Variants in RASA1 observed in about 807,000 individuals in gnomAD.
RASA1 encodes RAS p21 protein activator 1.
A neutral mutation model predicts 132.2 loss-of-function variants in RASA1; 25 were observed. That is an observed-to-expected ratio of 0.19 (90% CI 0.14 to 0.26). The LOEUF is 0.26. Ranked by LOEUF, RASA1 falls within the 10% of genes least tolerant of loss-of-function variation. RASA1 has a pLI of 1.00. For missense variants in RASA1, 964 were observed against 1,299.2 expected (o/e 0.74, Z 3.97); for synonymous variants, 477 against 449.9 (o/e 1.06, Z -0.76).
intron 1 of RASA1, among the ~76,000 whole-genome samples, chr5:87,277,935 C>T (rs1473164294): frequency 6.6e-6 from 1 of 151,998 alleles, no homozygotes; most frequent in Non-Finnish European, 1.5e-5. Flanking sequence ...ACCATGGTAG[C>T]CATGGAATAT....
At chr5:87,293,814 A>G (rs1222537365) in intron 1 of RASA1, among the ~76,000 whole-genome samples, 1 of 152,054 alleles carries the variant, frequency 6.6e-6, no homozygotes, top group Non-Finnish European at 1.5e-5. Context: ...TTTTTTAAGT[A>G]GTTGCTCCAT....
chr5:87,287,356 C>CACCATATATAT (rs1463010554), intron 1 of RASA1, among the ~76,000 whole-genome samples: 1 of 145,494 alleles, frequency 6.9e-6, no homozygotes, highest in East Asian at 2.0e-4. Context: ...ACCATATATA[C>CACCATATATAT]ACCATATATA....
At chr5:87,271,990 T>TAA in intron 1 of RASA1, among the ~76,000 whole-genome samples, 1 of 143,258 alleles carries the variant, frequency 7.0e-6, no homozygotes, top group African/African-American at 2.5e-5. Context: ...CCGTCTCTAC[T>TAA]AAAAAAAAAA....
intron 1 of RASA1, among the ~76,000 whole-genome samples, chr5:87,278,699 T>C (rs937716328): frequency 2.0e-5 from 3 of 152,184 alleles, no homozygotes. Context: ...TCACCAGTTT[T>C]ACATATATTC....
chr5:87,341,756 G>T (rs181617144), intron 6 of RASA1, among the ~76,000 whole-genome samples: 1 of 151,744 alleles, frequency 6.6e-6, no homozygotes, highest in African/African-American at 2.4e-5. Context: ...CTGATTTTAT[G>T]TATATGTAAG....
intron 5 of RASA1, among the ~76,000 whole-genome samples, chr5:87,338,760 G>C (rs573155020): frequency 6.8e-4 from 103 of 150,834 alleles, no homozygotes; most frequent in African/African-American, 2.4e-3. Context: ...ACCTCAACTG[G>C]TTACACATGT....
intron 9 of RASA1, among the ~76,000 whole-genome samples, chr5:87,356,407 G>A (rs551435339): frequency 1.3e-4 from 20 of 149,746 alleles, no homozygotes; most frequent in South Asian, 8.4e-4. Flanking sequence ...TTCTCCCTCC[G>A]GAGTCAGGGT....
At position 87,386,880 on chromosome 5, in the gene RASA1, A is replaced by T. The variant is rs1408478893; in HGVS notation, c.2902A>T (p.Ile968Phe). ...PFIKSNKHRM[I>F]MFLDELGNVP... The stretch of plus-strand genomic sequence containing the variant: ...CATCAAAAGCAACAAACATCGTATG[A>T]TCATGTTTTTAGATGAACTTGGGGT... The change falls in exon 23 of 25, where the codon ATC (isoleucine) becomes TTC (phenylalanine). Residue 968 changes from isoleucine to phenylalanine, a missense_variant. Transcript: ENST00000274376. 6.2e-7 allele frequency: 1 copy of T among 1,612,480 alleles called. No individual in the cohort carries two copies. The highest frequency in any genetic ancestry group is 1.7e-5 in the Admixed American group (1 of 59,966).
rs900556819 is a variant in RASA1 at position 87,391,184 on chromosome 5, C to G, written c.*301C>G. The stretch of plus-strand genomic sequence containing the variant: ...ATGCTATGACTGTATCTTGATATCT[C>G]GAACTTTCAAAATATATTTTCAGTA... On this transcript the variant is annotated 3_prime_UTR_variant, in exon 25 of 25. Transcript: ENST00000274376. 1.4e-5 allele frequency: 7 copies of G among 487,030 alleles called. No homozygotes were observed. The highest frequency in any genetic ancestry group is 2.2e-5 in the Non-Finnish European group (6 of 269,192). The allele number at this position is 487,030 out of a possible 1,614,324, so 30.2% of individuals were successfully genotyped here. A position where few individuals can be genotyped will look rare whatever the true frequency, so the allele number is the denominator to read the frequency against.
chr5:87,367,117 C>T (rs1211533998), intron 11 of RASA1, among the ~76,000 whole-genome samples: 2 of 152,026 alleles, frequency 1.3e-5, no homozygotes, highest in African/African-American at 4.8e-5. Context: ...AAAGTGCCTT[C>T]CTGTGAAATA....
At chr5:87,279,559 T>C (rs923715518) in intron 1 of RASA1, among the ~76,000 whole-genome samples, 1 of 152,230 alleles carries the variant, frequency 6.6e-6, no homozygotes, top group Non-Finnish European at 1.5e-5. Flanking sequence ...AGTTGCATGT[T>C]CACTTTTATA....
intron 1 of RASA1, among the ~76,000 whole-genome samples, chr5:87,329,552 A>G (rs568405686): frequency 1.3e-5 from 2 of 152,330 alleles, no homozygotes; most frequent in Non-Finnish European, 2.9e-5. Context: ...TGCCTCATGT[A>G]TCTCTGTGTA....
At chr5:87,359,242 A>G (rs886176203) in intron 9 of RASA1, among the ~76,000 whole-genome samples, 16 of 152,306 alleles carry the variant, frequency 1.1e-4, no homozygotes, top group African/African-American at 2.9e-4. Context: ...GAGCTTACAC[A>G]TGTAACTTCT....
Position 87,284,332 on chromosome 5 carries a change from C to T in RASA1, c.539+15342C>T, listed in dbSNP as rs147570578. On this transcript the variant is annotated intron_variant, in intron 1 of 24. Transcript: ENST00000274376. ...CACTTAAGTGACTATAGGTTGCTTT[C>T]TCTCTCTATATAGACAGACAGGTAG... Among the ~76,000 whole-genome samples the T allele has an allele frequency of 1.6e-3, 240 of 152,310 alleles. 1 individual carries two copies. The highest frequency in any genetic ancestry group is 6.8e-3 in the Middle Eastern group (2 of 294).
chr5:87,277,771 TTC>T (rs1754131777), intron 1 of RASA1, among the ~76,000 whole-genome samples: 1 of 152,124 alleles, frequency 6.6e-6, no homozygotes, highest in Admixed American at 6.5e-5. Context: ...TTCTTTTAAT[TTC>T]TTTCACTGTG....
chr5:87,377,654 G>A (rs367665779), intron 17 of RASA1, among the ~76,000 whole-genome samples: 2 of 152,016 alleles, frequency 1.3e-5, no homozygotes, highest in South Asian at 4.1e-4. Flanking sequence ...CACAGAAGCT[G>A]GGTGTCAGCT....
At chr5:87,388,759 T>G (rs1762246251) in intron 23 of RASA1, among the ~76,000 whole-genome samples, 1 of 152,208 alleles carries the variant, frequency 6.6e-6, no homozygotes, top group African/African-American at 2.4e-5. Context: ...AGTTCCTACT[T>G]ATATGCATTA....
chr5:87,385,172 T>C, intron 21 of RASA1, 129 bp from the exon 22 acceptor site: 2 of 703,464 alleles, frequency 2.8e-6, no homozygotes, highest in Admixed American at 2.3e-5. Flanking sequence ...CCAAAAACAT[T>C]CTGAGTTCCG....
At position 87,385,281 on chromosome 5, in the gene RASA1, T is replaced by A. The variant is rs772165648; in HGVS notation, c.2759-20T>A. 2.0e-6 allele frequency: 3 copies of A among 1,518,988 alleles called. No homozygotes were observed. Among genetic ancestry groups the A allele is most frequent in the South Asian group, 2.2e-5 (2 of 88,988 alleles). 94.1% of individuals were successfully genotyped at this position (1,518,988 alleles called of 1,614,324 possible). A position where few individuals can be genotyped will look rare whatever the true frequency, so the allele number is the denominator to read the frequency against. Reference sequence around the variant, plus strand: ...TGCTGTTGGACTTGGTGTCATTAGCTGTGCCCAATTCTGTTACAGATTCTC... The same window carrying A: ...TGCTGTTGGACTTGGTGTCATTAGCAGTGCCCAATTCTGTTACAGATTCTC... On this transcript the variant is annotated intron_variant, in intron 21 of 24. Coordinates refer to ENST00000274376, the MANE Select transcript of RASA1 (RefSeq NM_002890.3).
Sources: allele counts gnomAD v4.1 joint callset (sites outside exome capture counted in the v4.1 genomes callset), GRCh38; gene constraint gnomAD v4.1.1; transcripts MANE v1.5; gene names NCBI Gene and HGNC (gene_info 2026-07-23, HGNC 2026-07-21).